Variants in DNAH7 observed in about 807,000 individuals in gnomAD.
DNAH7 encodes dynein axonemal heavy chain 7, also known as axonemal beta dynein heavy chain 7.
Under a neutral mutation model 444.6 loss-of-function variants are expected in DNAH7, and 397 were observed. The observed-to-expected ratio is 0.89, with a 90% CI of 0.82 to 0.97. DNAH7 has a LOEUF of 0.97. Ranked by LOEUF, DNAH7 falls within the 50% of genes least tolerant of loss-of-function variation. The pLI is 0.00. For missense variants in DNAH7, 4,902 were observed against 4,800.8 expected (o/e 1.02, Z -0.62); for synonymous variants, 1,636 against 1,624.4 (o/e 1.01, Z -0.17).
intron 57 of DNAH7, among the ~76,000 whole-genome samples, chr2:195,793,032 C>T (rs1393935040): frequency 2.6e-5 from 4 of 152,036 alleles, no homozygotes; most frequent in Non-Finnish European, 5.9e-5. Flanking sequence ...TGGGCTCCAG[C>T]GATCCTCCCT....
At chr2:195,803,993 G>A (rs566551672) in intron 54 of DNAH7, among the ~76,000 whole-genome samples, 18 of 152,176 alleles carry the variant, frequency 1.2e-4, no homozygotes, top group South Asian at 6.2e-4. Flanking sequence ...AAACTGGAGC[G>A]TTAGAGGGCC....
At chr2:195,995,275 C>G (rs565963318) in intron 12 of DNAH7, 26 of 459,006 alleles carry the variant, frequency 5.7e-5, no homozygotes, top group Admixed American at 4.6e-4. Flanking sequence ...TTGGTGATAT[C>G]ATAAGTCCTT....
At chr2:196,047,767 T>C (rs1370511775) in intron 4 of DNAH7, among the ~76,000 whole-genome samples, 1 of 151,804 alleles carries the variant, frequency 6.6e-6, no homozygotes, top group Non-Finnish European at 1.5e-5. Flanking sequence ...TATTTACATA[T>C]GATTCTCTAA....
intron 54 of DNAH7, among the ~76,000 whole-genome samples, chr2:195,800,075 T>C (rs930178397): frequency 1.3e-5 from 2 of 152,066 alleles, no homozygotes; most frequent in Admixed American, 6.6e-5. Flanking sequence ...GATTTGGGGG[T>C]GGAATTGCAT....
chr2:195,927,891 T>A (rs554663953), intron 21 of DNAH7, among the ~76,000 whole-genome samples: 1 of 152,108 alleles, frequency 6.6e-6, no homozygotes, highest in African/African-American at 2.4e-5. Context: ...CACAAACTTA[T>A]ACAGGAAGAT....
intron 42 of DNAH7, among the ~76,000 whole-genome samples, chr2:195,860,155 T>C (rs933084678): frequency 6.6e-6 from 1 of 152,304 alleles, no homozygotes; most frequent in Admixed American, 6.5e-5. Context: ...ACCTGTAAGT[T>C]TGAACTTATA....
chr2:196,040,523 T>C (rs928192834), intron 5 of DNAH7, among the ~76,000 whole-genome samples: 2 of 152,060 alleles, frequency 1.3e-5, no homozygotes, highest in Non-Finnish European at 2.9e-5. Context: ...AAATTCAACA[T>C]GCCTTTGTGA....
intron 49 of DNAH7, among the ~76,000 whole-genome samples, chr2:195,823,138 A>G (rs1459164423): frequency 1.3e-5 from 2 of 152,228 alleles, no homozygotes; most frequent in Non-Finnish European, 2.9e-5. Flanking sequence ...CCTAGCAGGT[A>G]AATACATAGT....
At chr2:196,018,237 G>T (rs2125745274) in intron 9 of DNAH7, among the ~76,000 whole-genome samples, 1 of 152,174 alleles carries the variant, frequency 6.6e-6, no homozygotes, top group Admixed American at 6.5e-5. Context: ...AAGTAATGAT[G>T]ATATAGCATT....
chr2:195,957,775 G>T (rs1047878755), intron 18 of DNAH7, among the ~76,000 whole-genome samples: 2 of 151,820 alleles, frequency 1.3e-5, no homozygotes, highest in Non-Finnish European at 1.5e-5. Context: ...TAACATTTAT[G>T]CTTATAGAGA....
intron 5 of DNAH7, among the ~76,000 whole-genome samples, chr2:196,042,108 G>A (rs1330656553): frequency 6.6e-6 from 1 of 152,018 alleles, no homozygotes; most frequent in Non-Finnish European, 1.5e-5. Flanking sequence ...CACACACATT[G>A]TTGGTGGGAA....
chr2:195,950,632 A>T (rs1193784589), intron 19 of DNAH7, among the ~76,000 whole-genome samples: 6 of 151,972 alleles, frequency 3.9e-5, no homozygotes, highest in African/African-American at 1.2e-4. Context: ...GCAGATCACA[A>T]GGTCAAGGGA....
At chr2:195,916,928 T>C (rs1035809996) in intron 24 of DNAH7, among the ~76,000 whole-genome samples, 1 of 150,046 alleles carries the variant, frequency 6.7e-6, no homozygotes, top group Non-Finnish European at 1.5e-5. Context: ...TGAAACCCCG[T>C]CTCTACTAAA....
At chr2:195,969,110 T>C (rs993129362) in intron 17 of DNAH7, among the ~76,000 whole-genome samples, 6 of 152,386 alleles carry the variant, frequency 3.9e-5, no homozygotes, top group Middle Eastern at 3.4e-3. Flanking sequence ...ACCTGATTTT[T>C]GGTTCTTATG....
At chr2:195,906,880 T>A in intron 26 of DNAH7, 27 bp downstream of exon 26, 1 of 1,610,388 alleles carries the variant, frequency 6.2e-7, no homozygotes, top group Non-Finnish European at 8.5e-7. Flanking sequence ...TATTTTCACA[T>A]AATGCAAAGA....
intron 24 of DNAH7, among the ~76,000 whole-genome samples, chr2:195,917,292 A>G (rs953576217): frequency 6.6e-6 from 1 of 152,060 alleles, no homozygotes; most frequent in African/African-American, 2.4e-5. Context: ...TTTGACAGGT[A>G]TATGATCTCC....
At chr2:195,963,576 T>C (rs1043541063) in intron 17 of DNAH7, among the ~76,000 whole-genome samples, 1 of 152,188 alleles carries the variant, frequency 6.6e-6, no homozygotes, top group Non-Finnish European at 1.5e-5. Flanking sequence ...CTTCATGTTG[T>C]TTATTGTTTC....
intron 14 of DNAH7, 29 bp from the exon 15 acceptor site, chr2:195,984,739 A>T (rs777898117): frequency 6.3e-7 from 1 of 1,589,084 alleles, no homozygotes; most frequent in South Asian, 1.1e-5. Flanking sequence ...CCAATCTTAC[A>T]TATTTACAGT....
chr2:195,947,344 G>T (rs1304037584), intron 19 of DNAH7, among the ~76,000 whole-genome samples: 1 of 151,820 alleles, frequency 6.6e-6, no homozygotes, highest in Non-Finnish European at 1.5e-5. Flanking sequence ...TGCAGAACGT[G>T]CAGGTTTGTT....
Sources: allele counts gnomAD v4.1 joint callset (sites outside exome capture counted in the v4.1 genomes callset), GRCh38; gene constraint gnomAD v4.1.1; transcripts MANE v1.5; gene names NCBI Gene and HGNC (gene_info 2026-07-23, HGNC 2026-07-21).